The following PTPRD variants were observed in gnomAD, a reference collection of about 807,000 sequenced individuals.
PTPRD encodes protein tyrosine phosphatase receptor type D, also known as receptor-type tyrosine-protein phosphatase delta.
A neutral mutation model predicts 214.5 loss-of-function variants in PTPRD; 34 were observed. That is an observed-to-expected ratio of 0.16 (90% CI 0.12 to 0.21). The LOEUF (loss-of-function observed/expected upper bound fraction) is 0.21, where lower values mean the gene tolerates loss of function less well. Among genes scored for constraint, PTPRD ranks in the 10% least tolerant of loss-of-function variants. The pLI is 1.00. For missense variants in PTPRD, 2,545 were observed against 2,398.7 expected, an observed-to-expected ratio of 1.06 and a Z score of -1.27; for synonymous variants, 1,128 against 845.7, an observed-to-expected ratio of 1.33 and a Z score of -5.79.
At chr9:10,338,299 T>C (rs529060891) in intron 3 of PTPRD, among the ~76,000 whole-genome samples, 52 of 151,722 alleles carry the variant, frequency 3.4e-4, no homozygotes, top group Admixed American at 9.2e-4. Context: ...AGTAACATTC[T>C]AGCAAGCAGA....
chr9:10,255,738 A>G (rs940299908), intron 3 of PTPRD, among the ~76,000 whole-genome samples: 2 of 152,222 alleles, frequency 1.3e-5, no homozygotes, highest in African/African-American at 4.8e-5. Flanking sequence ...ACATAAACAC[A>G]TTGTGCAGCT....
intron 8 of PTPRD, among the ~76,000 whole-genome samples, chr9:9,450,843 T>G (rs1325668912): frequency 6.6e-6 from 1 of 151,100 alleles, no homozygotes; most frequent in African/African-American, 2.4e-5. Flanking sequence ...AAAATAAATA[T>G]AAATCAAAAT....
At chr9:10,043,216 G>A (rs982481022) in intron 3 of PTPRD, among the ~76,000 whole-genome samples, 3 of 151,868 alleles carry the variant, frequency 2.0e-5, no homozygotes, top group Non-Finnish European at 4.4e-5. Context: ...TTAGGCATCA[G>A]TTTTTATAAA....
chr9:9,020,552 G>A (rs1238472043), intron 10 of PTPRD, among the ~76,000 whole-genome samples: 1 of 152,174 alleles, frequency 6.6e-6, no homozygotes, highest in African/African-American at 2.4e-5. Context: ...GGCCAGGTTT[G>A]TGGCTTGAAC....
intron 14 of PTPRD, among the ~76,000 whole-genome samples, chr9:8,589,053 G>C (rs988310198): frequency 2.6e-5 from 4 of 152,056 alleles, no homozygotes; most frequent in Admixed American, 2.0e-4. Context: ...AAAATAAATA[G>C]GAAAGCTCTA....
intron 14 of PTPRD, among the ~76,000 whole-genome samples, chr9:8,629,703 G>C (rs1445561175): frequency 1.3e-5 from 2 of 151,728 alleles, no homozygotes; most frequent in Non-Finnish European, 2.9e-5. Flanking sequence ...TGTATCATTA[G>C]GGAGTCAGTA....
intron 34 of PTPRD, among the ~76,000 whole-genome samples, chr9:8,444,706 A>G (rs1057385942): frequency 3.9e-5 from 6 of 152,202 alleles, no homozygotes; most frequent in Non-Finnish European, 7.3e-5. Context: ...ATGATTGTTA[A>G]CAAGCTTATT....
chr9:9,476,143 A>G (rs2095024069), intron 8 of PTPRD, among the ~76,000 whole-genome samples: 6 of 152,162 alleles, frequency 3.9e-5, no homozygotes. Context: ...GTCTGCCTCA[A>G]TGTTGCATAG....
intron 2 of PTPRD, among the ~76,000 whole-genome samples, chr9:10,533,390 T>C (rs895886548): frequency 3.1e-4 from 47 of 152,168 alleles, no homozygotes; most frequent in African/African-American, 1.1e-3. Flanking sequence ...AGGAAAAATA[T>C]TCTTATATTG....
intron 22 of PTPRD, 105 bp downstream of exon 22, chr9:8,507,196 G>C: frequency 1.6e-6 from 2 of 1,281,732 alleles, no homozygotes; most frequent in Non-Finnish European, 2.1e-6. Context: ...TTTCCATCAA[G>C]GTCCTCAATA....
intron 9 of PTPRD, among the ~76,000 whole-genome samples, chr9:9,185,430 C>T (rs1235343924): frequency 6.6e-6 from 1 of 152,028 alleles, no homozygotes; most frequent in Non-Finnish European, 1.5e-5. Flanking sequence ...TCCTAAGGGT[C>T]TCTCCAAAAG....
At chr9:9,448,193 A>G (rs2091068311) in intron 8 of PTPRD, among the ~76,000 whole-genome samples, 1 of 152,082 alleles carries the variant, frequency 6.6e-6, no homozygotes, top group Non-Finnish European at 1.5e-5. Flanking sequence ...AATAAAAATG[A>G]TCAAATCACA....
intron 10 of PTPRD, among the ~76,000 whole-genome samples, chr9:9,170,181 G>A (rs2099911715): frequency 6.6e-6 from 1 of 152,110 alleles, no homozygotes; most frequent in African/African-American, 2.4e-5. Flanking sequence ...AACACCAGAG[G>A]AGCAATTTTA....
chr9:8,986,523 C>T (rs1589335451), intron 11 of PTPRD, among the ~76,000 whole-genome samples: 1 of 151,528 alleles, frequency 6.6e-6, no homozygotes, highest in African/African-American at 2.4e-5. Context: ...TTTCATTCAA[C>T]AGTTTATCAT....
chr9:8,332,601 C>T (rs1459285048), intron 43 of PTPRD, among the ~76,000 whole-genome samples: 1 of 152,122 alleles, frequency 6.6e-6, no homozygotes, highest in Non-Finnish European at 1.5e-5. Context: ...GGTAAAACTG[C>T]TCTGACTCAC....
At chr9:10,281,550 T>C (rs575467285) in intron 3 of PTPRD, among the ~76,000 whole-genome samples, 1 of 152,328 alleles carries the variant, frequency 6.6e-6, no homozygotes, top group East Asian at 1.9e-4. Flanking sequence ...ACTAGGCATT[T>C]TAATTTTTTT....
chr9:9,929,726 C>A (rs548747472), intron 5 of PTPRD, among the ~76,000 whole-genome samples: 1 of 152,156 alleles, frequency 6.6e-6, no homozygotes, highest in Non-Finnish European at 1.5e-5. Context: ...CTGAAAGAGA[C>A]AGGGCCTGGA....
intron 10 of PTPRD, among the ~76,000 whole-genome samples, chr9:9,067,041 G>C (rs1162109315): frequency 2.0e-5 from 3 of 152,312 alleles, no homozygotes; most frequent in East Asian, 3.9e-4. Flanking sequence ...TCAGGAGTTG[G>C]AGACCAGCCT....
At chr9:9,437,129 A>T (rs1166617239) in intron 8 of PTPRD, among the ~76,000 whole-genome samples, 1 of 152,230 alleles carries the variant, frequency 6.6e-6, no homozygotes, top group Non-Finnish European at 1.5e-5. Context: ...TTCAGTGCAC[A>T]TTCTGCCTTT....
Sources: gnomAD v4.1 joint callset for allele counts (sites outside exome capture counted in the v4.1 genomes callset) on GRCh38, gnomAD v4.1.1 for gene constraint, MANE v1.5 for transcripts, NCBI Gene and HGNC (gene_info 2026-07-23, HGNC 2026-07-21) for gene names.